LINGO2: variants seen among roughly 807,000 people sequenced by gnomAD.
LINGO2 encodes the protein leucine-rich repeat and immunoglobulin-like domain-containing nogo receptor-interacting protein 2.
LINGO2 carries 14 observed loss-of-function variants against 30.6 expected under a neutral mutation model. The observed-to-expected ratio is 0.46, with a 90% CI of 0.30 to 0.72. LINGO2 has a LOEUF of 0.72. Ranked by LOEUF, LINGO2 falls within the 30% of genes least tolerant of loss-of-function variation. The pLI is 0.07. For synonymous variants in LINGO2, 317 were observed against 288.5 expected (o/e 1.10, Z -1.00); for missense variants, 729 against 751.7 (o/e 0.97, Z 0.35).
chr9:28,710,209 G>A, the LINGO2 span, among the ~76,000 whole-genome samples: 10 of 151,568 alleles, frequency 6.6e-5, no homozygotes, highest in Non-Finnish European at 8.8e-5. Flanking sequence ...GAGTTGCCTT[G>A]AACCTTGCAT....
the LINGO2 span, among the ~76,000 whole-genome samples, chr9:28,887,252 C>G: frequency 0.38 from 57,205 of 151,784 alleles, 13,031 homozygotes; most frequent in Non-Finnish European, 0.49. Flanking sequence ...TATTGATCTA[C>G]ATGTGGGAAA....
the LINGO2 span, among the ~76,000 whole-genome samples, chr9:28,880,527 G>C: frequency 6.6e-6 from 1 of 152,168 alleles, no homozygotes; most frequent in South Asian, 2.1e-4. Flanking sequence ...GAAAGCCGCA[G>C]GGACCTCTGC....
At chr9:28,354,275 G>T (rs533651731) in intron 3 of LINGO2, among the ~76,000 whole-genome samples, 18 of 152,248 alleles carry the variant, frequency 1.2e-4, no homozygotes, top group African/African-American at 4.1e-4. Flanking sequence ...GAAAGATGAG[G>T]ATGTACTATG....
intron 2 of LINGO2, among the ~76,000 whole-genome samples, chr9:28,407,759 C>G (rs1208019353): frequency 6.6e-6 from 1 of 152,114 alleles, no homozygotes; most frequent in Non-Finnish European, 1.5e-5. Flanking sequence ...TTAACCTTTT[C>G]CTTACATTAT....
At chr9:28,350,401 G>A (rs1157501535) in intron 3 of LINGO2, among the ~76,000 whole-genome samples, 1 of 149,090 alleles carries the variant, frequency 6.7e-6, no homozygotes, top group Non-Finnish European at 1.5e-5. Context: ...AAGAGACAAA[G>A]AAGGCCATTA....
chr9:28,565,843 T>C (rs1823353125), intron 1 of LINGO2, among the ~76,000 whole-genome samples: 1 of 152,106 alleles, frequency 6.6e-6, no homozygotes, highest in Non-Finnish European at 1.5e-5. Context: ...CGTGAGCCAC[T>C]GTGACGAGCC....
the LINGO2 span, among the ~76,000 whole-genome samples, chr9:28,773,069 A>C: frequency 1.6e-4 from 25 of 152,130 alleles, no homozygotes; most frequent in Admixed American, 3.9e-4. Flanking sequence ...AAGGCAACAA[A>C]AGTGACCTAC....
intron 1 of LINGO2, among the ~76,000 whole-genome samples, chr9:28,529,171 T>C (rs1357196463): frequency 6.6e-6 from 1 of 152,130 alleles, no homozygotes; most frequent in Non-Finnish European, 1.5e-5. Flanking sequence ...CTCCTTCCAG[T>C]ACCTCAGGCA....
the LINGO2 span, among the ~76,000 whole-genome samples, chr9:28,682,810 A>AT: frequency 6.6e-6 from 1 of 152,168 alleles, no homozygotes; most frequent in African/African-American, 2.4e-5. Flanking sequence ...GCAGAGTTAA[A>AT]TAATAGGAAG....
chr9:28,880,799 T>G, the LINGO2 span, among the ~76,000 whole-genome samples: 4 of 152,144 alleles, frequency 2.6e-5, no homozygotes, highest in Non-Finnish European at 4.4e-5. Context: ...AAAACCGCCC[T>G]ATGGTGAGAG....
chr9:28,676,175 T>C, the LINGO2 span, among the ~76,000 whole-genome samples: 1 of 151,576 alleles, frequency 6.6e-6, no homozygotes, highest in South Asian at 2.1e-4. Context: ...AATAGCTTTA[T>C]AAATTCTTAA....
At chr9:28,056,150 G>A (rs1169619566) in intron 4 of LINGO2, among the ~76,000 whole-genome samples, 2 of 152,180 alleles carry the variant, frequency 1.3e-5, no homozygotes, top group East Asian at 3.9e-4. Context: ...TGTAGCAAGA[G>A]CAGGGCGGAG....
intron 1 of LINGO2, among the ~76,000 whole-genome samples, chr9:28,502,159 CACAT>C (rs1248709398): frequency 6.0e-5 from 9 of 150,200 alleles, no homozygotes; most frequent in African/African-American, 2.0e-4. Flanking sequence ...CACACACACA[CACAT>C]ACACACACAC....
At position 28,300,788 on chromosome 9, in the gene LINGO2, G is replaced by T. The variant is rs112159262; in HGVS notation, c.-245-5422C>A. Reference sequence around the variant, plus strand: ...GAGGACAAGGCAAGACACTTAGTTCGTGTTCAAGTATTGCTCATAGTCTAG... The same window carrying T: ...GAGGACAAGGCAAGACACTTAGTTCTTGTTCAAGTATTGCTCATAGTCTAG... On this transcript the variant is annotated intron_variant, in intron 3 of 5. Coordinates refer to ENST00000379992, the Ensembl canonical transcript of LINGO2. Among the ~76,000 whole-genome samples, 13 of 151,336 alleles carry T rather than the reference G, an allele frequency of 8.6e-5. No individual in the cohort carries two copies. In the East Asian group the frequency reaches 2.3e-3, roughly 27 times the overall value.
At chr9:27,954,851 G>A (rs907200453) in intron 5 of LINGO2, among the ~76,000 whole-genome samples, 6 of 152,132 alleles carry the variant, frequency 3.9e-5, no homozygotes, top group African/African-American at 9.7e-5. Flanking sequence ...GGCTGTAGTA[G>A]TTCACATTTA....
chr9:28,797,353 T>TAGAGAGAG, the LINGO2 span, among the ~76,000 whole-genome samples: 518 of 60,818 alleles, frequency 8.5e-3, 1 homozygote, highest in East Asian at 0.016. Flanking sequence ...TATATATATA[T>TAGAGAGAG]ATATATAGAG....
At chr9:28,198,392 T>C (rs1820095353) in intron 4 of LINGO2, among the ~76,000 whole-genome samples, 1 of 152,138 alleles carries the variant, frequency 6.6e-6, no homozygotes. Context: ...ATATACTGTA[T>C]AGGAAACTGT....
chr9:27,948,985 G>A, exon 6 of LINGO2: 1 of 1,613,960 alleles, frequency 6.2e-7, no homozygotes, highest in Non-Finnish European at 8.5e-7. Context: ...CACACAAAAA[G>A]GAGAAGAAAA....
the LINGO2 span, among the ~76,000 whole-genome samples, chr9:29,068,456 T>C: frequency 6.6e-6 from 1 of 151,792 alleles, no homozygotes; most frequent in Non-Finnish European, 1.5e-5. Flanking sequence ...TATACTAGTT[T>C]TAGATTGGTA....
Sources: gnomAD v4.1 joint callset for allele counts (sites outside exome capture counted in the v4.1 genomes callset) on GRCh38, gnomAD v4.1.1 for gene constraint, MANE v1.5 for transcripts, NCBI Gene and HGNC (gene_info 2026-07-23, HGNC 2026-07-21) for gene names.